ZNF230: variants seen among roughly 807,000 people sequenced by gnomAD.
ZNF230 encodes the protein zinc finger protein 230, also known as zinc finger protein FDZF2.
In ZNF230, 12 loss-of-function variants were observed where a neutral mutation model predicts 10.0. The observed-to-expected ratio is 1.20, with a 90% CI of 0.77 to 1.95. The LOEUF is 1.95. Among genes scored for constraint, ZNF230 ranks in the 30% most tolerant of loss-of-function variants. The pLI is 0.00. For synonymous variants in ZNF230, 174 were observed against 193.6 expected (o/e 0.90, Z 0.84); for missense variants, 532 against 565.8 (o/e 0.94, Z 0.61).
rs1060880 is a variant in ZNF230 at position 44,011,200 on chromosome 19, T to G, written c.1161T>G (p.Thr387=). ...TTAACTTGCACCAGAGGGTCCATAC[T>G]GGAGAGAGACCTTATAATTGTAAGG... ...SGLNLHQRVH[T]GERPYNCKEC... Residue 387 remains threonine, a synonymous_variant, in exon 5 of 5, where the codon ACT becomes ACG. Transcript: ENST00000429154. 262,849 of 1,613,842 alleles carry G rather than the reference T, an allele frequency of 0.16. 22,682 individuals are homozygous for G. The highest frequency in any genetic ancestry group is 0.29 in the Admixed American group (17,153 of 59,994).
At position 44,012,142 on chromosome 19, in the gene ZNF230, CAA is replaced by C. The variant is rs1976192253; in HGVS notation, c.*679_*680del. 3.5e-6 allele frequency: 1 copy of C among 287,928 alleles called. No individual in the cohort carries two copies. Among genetic ancestry groups the C allele is most frequent in the Non-Finnish European group, 6.8e-6 (1 of 147,820 alleles). The allele number at this position is 287,928 out of a possible 1,614,324, so 17.8% of individuals were successfully genotyped here. On this transcript the variant is annotated 3_prime_UTR_variant, in exon 5 of 5. Transcript: ENST00000429154. ...AATCTTATGCCTCAGAGGCTTGACACAAGAGCAAAACTATGGAAGTGTGGCTA... is the reference window on the plus strand; with the variant it reads ...AATCTTATGCCTCAGAGGCTTGACACGAGCAAAACTATGGAAGTGTGGCTA...
intron 4 of ZNF230, among the ~76,000 whole-genome samples, chr19:44,009,590 T>C (rs988140932): frequency 6.6e-6 from 1 of 152,198 alleles, no homozygotes; most frequent in Non-Finnish European, 1.5e-5. Context: ...GACACTGTAT[T>C]CCCTGTTGCT....
rs750386557 is a variant in ZNF230 at position 44,009,118 on chromosome 19, G to A, written c.177G>A (p.Arg59=). Reference sequence around the variant, plus strand: ...CATTCCACCCTTTCCACTTCCTAAGGGAAGAAAAGTTTTGGATGATGGAGA... The same window carrying A: ...CATTCCACCCTTTCCACTTCCTAAGAGAAGAAAAGTTTTGGATGATGGAGA... The part of the protein sequence containing the change: ...HQPFHPFHFL[R]EEKFWMMETA... The change falls in exon 4 of 5, where the codon AGG becomes AGA. Residue 59 remains arginine (R), a synonymous_variant. Transcript: ENST00000429154. 3.1e-6 allele frequency: 5 copies of A among 1,614,146 alleles called. No homozygotes were observed. The highest frequency in any genetic ancestry group is 4.2e-6 in the Non-Finnish European group (5 of 1,180,016).
At position 44,007,086 on chromosome 19, in the gene ZNF230, C is replaced by T; in HGVS notation, c.8C>T (p.Thr3Ile). MT[T>I]FKEAVTFKDV... ...CAAAAAGTAGTAGGAAAAATGACCA[C>T]ATTCAAGGTGAGTAGAGCTCACCTC... Residue 3 changes from threonine (T) to isoleucine (I), a missense_variant, in exon 2 of 5, where the codon ACA (threonine) becomes ATA (isoleucine). Transcript: ENST00000429154. The T allele has an allele frequency of 1.2e-6, 2 of 1,606,018 alleles. No homozygotes were observed. The highest frequency in any genetic ancestry group is 1.7e-6 in the Non-Finnish European group (2 of 1,173,382).
At chr19:44,003,327 A>G (rs1976087367) in intron 1 of ZNF230, 1 of 152,034 alleles carries the variant, frequency 6.6e-6, no homozygotes, top group Non-Finnish European at 1.5e-5. Context: ...ATGTCCTTAT[A>G]CTTTCCATTG....
intron 1 of ZNF230, chr19:44,004,143 A>T (rs1226928975): frequency 6.6e-6 from 1 of 152,222 alleles, no homozygotes; most frequent in African/African-American, 2.4e-5. Context: ...AGGAATTTTT[A>T]AAAATTTCTC....
intron 1 of ZNF230, chr19:44,003,755 T>C: frequency 4.8e-6 from 1 of 209,550 alleles, no homozygotes; most frequent in Non-Finnish European, 1.0e-5. Context: ...ATGTGATTGG[T>C]CCTTGGCTTT....
chr19:44,003,135 T>C (rs1377143360), intron 1 of ZNF230, 28 bp downstream of exon 1: 1 of 152,096 alleles, frequency 6.6e-6, no homozygotes, highest in Non-Finnish European at 1.5e-5. Context: ...AATGGGGTTT[T>C]TTTCCCGTCC....
At chr19:44,006,910 A>G (rs1976128885) in intron 1 of ZNF230, 101 bp from the exon 2 acceptor site, 1 of 542,300 alleles carries the variant, frequency 1.8e-6, no homozygotes, top group African/African-American at 1.9e-5. Context: ...GTTAGTATGA[A>G]TAATGCTGCT....
chr19:44,006,672 G>A (rs1437171034), intron 1 of ZNF230: 1 of 156,726 alleles, frequency 6.4e-6, no homozygotes, highest in Non-Finnish European at 1.4e-5. Flanking sequence ...TTTCCTCTAT[G>A]TATACATTTG....
chr19:44,008,690 A>G (rs1976143614), intron 2 of ZNF230, 100 bp from the exon 3 acceptor site: 7 of 1,415,972 alleles, frequency 4.9e-6, no homozygotes, highest in Admixed American at 2.1e-5. Flanking sequence ...TGGGAAATCT[A>G]TAAGTTGACC....
At chr19:44,005,063 C>A (rs1433755604) in intron 1 of ZNF230, among the ~76,000 whole-genome samples, 1 of 149,616 alleles carries the variant, frequency 6.7e-6, no homozygotes, top group African/African-American at 2.5e-5. Context: ...GCGGAGCTTG[C>A]AGTGAGCGAG....
chr19:44,007,163 T>C, intron 2 of ZNF230, 70 bp downstream of exon 2: 2 of 1,505,970 alleles, frequency 1.3e-6, no homozygotes, highest in Non-Finnish European at 1.8e-6. Context: ...TATTTTTCTC[T>C]GTCTTGGGAA....
In ZNF230 at chr19:44,011,714, A is replaced by G. The variant is rs780603121; in HGVS notation, c.*250A>G. 8.0e-6 allele frequency: 3 copies of G among 373,036 alleles called. No homozygotes were observed. Among genetic ancestry groups the G allele is most frequent in the Non-Finnish European group, 1.5e-5 (3 of 204,854 alleles). The allele number at this position is 373,036 out of a possible 1,614,324, so 23.1% of individuals were successfully genotyped here. A position where few individuals can be genotyped will look rare whatever the true frequency, so the allele number is the denominator to read the frequency against. ...CAGTACTTATGTATCTTGTTACCCAATCTTTGGCTATCTCACCTAACCCCT... is the reference window on the plus strand; with the variant it reads ...CAGTACTTATGTATCTTGTTACCCAGTCTTTGGCTATCTCACCTAACCCCT... On this transcript the variant is annotated 3_prime_UTR_variant, in exon 5 of 5. Coordinates refer to ENST00000429154, the MANE Select transcript of ZNF230 (RefSeq NM_006300.4).
At chr19:44,005,849 A>G (rs1976117450) in intron 1 of ZNF230, among the ~76,000 whole-genome samples, 2 of 152,212 alleles carry the variant, frequency 1.3e-5, no homozygotes, top group African/African-American at 2.4e-5. Context: ...AGATCGCGCC[A>G]CTGCACTCCA....
rs1301007822 is a variant in ZNF230 at position 44,008,827 on chromosome 19, C to T, written c.53C>T (p.Thr18Ile). The T allele has an allele frequency of 6.2e-7, 1 of 1,614,070 alleles. No homozygotes were observed. Among genetic ancestry groups the T allele is most frequent in the South Asian group, 1.1e-5 (1 of 91,088 alleles). The change falls in exon 3 of 5, where the codon ACT (threonine) becomes ATT (isoleucine). Residue 18 changes from threonine (T) to isoleucine (I), a missense_variant. Coordinates refer to ENST00000429154, the MANE Select transcript of ZNF230 (RefSeq NM_006300.4). Reference protein sequence around the residue: ...VTFKDVAVFFTEEELGLLDPA... With the variant: ...VTFKDVAVFFIEEELGLLDPA... ...TTCAAGGATGTGGCTGTGTTCTTCA[C>T]TGAGGAGGAACTGGGGCTACTGGAC... is the stretch of plus-strand genomic sequence containing the variant.
At chr19:44,009,924 T>C (rs922039698) in intron 4 of ZNF230, among the ~76,000 whole-genome samples, 2 of 152,256 alleles carry the variant, frequency 1.3e-5, no homozygotes, top group Non-Finnish European at 2.9e-5. Flanking sequence ...TGTTTTTCCT[T>C]AAATTTCCTT....
intron 1 of ZNF230, chr19:44,006,566 T>C (rs1976126339): frequency 6.6e-6 from 1 of 152,402 alleles, no homozygotes; most frequent in Admixed American, 6.5e-5. Context: ...ATCATCATAA[T>C]TCAGTTTAGT....
rs1462553211 is a variant in ZNF230 at position 44,007,058 on chromosome 19, C to T, written c.-21C>T. ...GCTCCATTACTCAAGACACTGAAGA[C>T]TCCAAAAAGTAGTAGGAAAAATGAC... On this transcript the variant is annotated 5_prime_UTR_variant, in exon 2 of 5. Transcript: ENST00000429154. 4 of 1,601,336 alleles carry T rather than the reference C, an allele frequency of 2.5e-6. No homozygotes were observed. The East Asian group carries it at 8.9e-5, about 36-fold the overall frequency.
Sources: allele counts gnomAD v4.1 joint callset (sites outside exome capture counted in the v4.1 genomes callset), GRCh38; gene constraint gnomAD v4.1.1; transcripts MANE v1.5; gene names NCBI Gene and HGNC (gene_info 2026-07-23, HGNC 2026-07-21).